KCNIP1: variants seen among roughly 807,000 people sequenced by gnomAD.
The protein encoded by KCNIP1 is potassium voltage-gated channel interacting protein 1, also known as A-type potassium channel modulatory protein KCNIP1.
A neutral mutation model predicts 33.0 loss-of-function variants in KCNIP1; 18 were observed. The observed-to-expected ratio is 0.55, with a 90% CI of 0.38 to 0.81. KCNIP1 has a LOEUF of 0.81. KCNIP1 is among the 30% of genes least tolerant of loss of function. KCNIP1 has a pLI of 0.00. For missense variants in KCNIP1, 238 were observed against 271.6 expected (o/e 0.88, Z 0.87); for synonymous variants, 93 against 98.3 (o/e 0.95, Z 0.32).
intron 1 of KCNIP1, among the ~76,000 whole-genome samples, chr5:170,486,604 G>T (rs1483514105): frequency 6.6e-6 from 1 of 152,222 alleles, no homozygotes; most frequent in Non-Finnish European, 1.5e-5. Context: ...CCTGGCTCCT[G>T]CCAGTTTCTG....
At position 170,536,836 on chromosome 5, in the gene KCNIP1, C is replaced by T. The variant is rs556431150; in HGVS notation, c.61+32203C>T. Among the ~76,000 whole-genome samples, 20 of 152,224 alleles carry T rather than the reference C, an allele frequency of 1.3e-4. No homozygotes were observed. The South Asian group carries it at 1.9e-3, about 14-fold the overall frequency. On this transcript the variant is annotated intron_variant, in intron 1 of 7. Transcript: ENST00000328939. ...AAAACCCACTCAGAAGCCTGGAGAG[C>T]GGCTGAAAGTGGGGGAGGGCAGGAA...
chr5:170,634,620 G>A lies in KCNIP1; in HGVS notation c.62-84138G>A, dbSNP rs149775689. ...CTCCCAGGGAGTGTGTGTGTGTAAA[G>A]AGGGAAGAAAAGAGCATTGAGTCCC... On this transcript the variant is annotated intron_variant, in intron 1 of 7. Transcript: ENST00000328939. Among the ~76,000 whole-genome samples the A allele has an allele frequency of 2.0e-3, 309 of 152,340 alleles. 1 individual carries two copies. Among genetic ancestry groups the A allele is most frequent in the African/African-American group, 6.8e-3 (282 of 41,572 alleles).
At chr5:170,445,764 A>T (rs984099280) in intron 1 of KCNIP1, among the ~76,000 whole-genome samples, 2 of 152,088 alleles carry the variant, frequency 1.3e-5, no homozygotes, top group Non-Finnish European at 2.9e-5. Flanking sequence ...ATCTGTAGAG[A>T]TCTCCTTGGA....
intron 1 of KCNIP1, among the ~76,000 whole-genome samples, chr5:170,572,465 G>A (rs796846826): frequency 6.6e-6 from 1 of 152,170 alleles, no homozygotes; most frequent in African/African-American, 2.4e-5. Flanking sequence ...CTTTCTTGAA[G>A]CTTCAGCAAA....
chr5:170,353,602 C>G, exon 1 of KCNIP1: 1 of 541,530 alleles, frequency 1.8e-6, no homozygotes, highest in Non-Finnish European at 3.3e-6. Context: ...AGTGCTGTCC[C>G]GGCCCTGGCA....
chr5:170,722,926 T>C (rs1763877888), intron 5 of KCNIP1, 106 bp downstream of exon 5: 1 of 710,256 alleles, frequency 1.4e-6, no homozygotes, highest in Admixed American at 2.6e-5. Flanking sequence ...TGAGGCAGGC[T>C]CTGCTTTGGG....
rs1051811932 is a variant in KCNIP1 at position 170,504,217 on chromosome 5, GCTCGGCAGC to G, written c.-349_-341del. Reference sequence around the variant, plus strand: ...GGCTCCCGCACCGCACGCGGCGCTGGCTCGGCAGCCTCGGCCGGGCGGCCGCTCTGGCCC... The same window carrying G: ...GGCTCCCGCACCGCACGCGGCGCTGGCTCGGCCGGGCGGCCGCTCTGGCCC... On this transcript the variant is annotated 5_prime_UTR_variant, in exon 1 of 8. Coordinates refer to ENST00000328939, the MANE Select transcript of KCNIP1 (RefSeq NM_014592.4). The surrounding 1 kb of genome is among the most constrained non-coding windows in gnomAD (Gnocchi z 6.0). 3.8e-6 allele frequency: 4 copies of G among 1,053,934 alleles called. No homozygotes were observed. Among genetic ancestry groups the G allele is most frequent in the Non-Finnish European group, 4.6e-6 (4 of 875,324 alleles). The allele number at this position is 1,053,934 out of a possible 1,614,324, so 65.3% of individuals were successfully genotyped here.
At position 170,540,028 on chromosome 5, in the gene KCNIP1, C is replaced by T. The variant is rs545819432; in HGVS notation, c.61+35395C>T. The stretch of plus-strand genomic sequence containing the variant: ...AAGGAACGATCTTTCAACCTGCGTG[C>T]GGGTCTCAGCGGCTCCACTTGCCTG... On this transcript the variant is annotated intron_variant, in intron 1 of 7. Coordinates refer to ENST00000328939, the MANE Select transcript of KCNIP1 (RefSeq NM_014592.4). Among the ~76,000 whole-genome samples, 14 of 151,580 alleles carry T rather than the reference C, an allele frequency of 9.2e-5. No individual in the cohort carries two copies. In the East Asian group the frequency reaches 1.9e-3, roughly 21 times the overall value.
intron 1 of KCNIP1, among the ~76,000 whole-genome samples, chr5:170,616,514 G>T (rs529100680): frequency 6.6e-6 from 1 of 152,328 alleles, no homozygotes; most frequent in South Asian, 2.1e-4. Context: ...CAGGTTGGAA[G>T]GAAGGCCTTG....
At chr5:170,405,041 T>C (rs1754999753) in intron 1 of KCNIP1, among the ~76,000 whole-genome samples, 1 of 152,236 alleles carries the variant, frequency 6.6e-6, no homozygotes, top group African/African-American at 2.4e-5. Context: ...TTTGATTGTT[T>C]CCTTGGGATA....
At chr5:170,405,550 G>C (rs1315663544) in intron 1 of KCNIP1, among the ~76,000 whole-genome samples, 2 of 152,176 alleles carry the variant, frequency 1.3e-5, no homozygotes, top group African/African-American at 4.8e-5. Context: ...CATCCTTGCA[G>C]GGCCTCCTGG....
intron 1 of KCNIP1, among the ~76,000 whole-genome samples, chr5:170,418,281 T>C (rs1242272467): frequency 6.6e-6 from 1 of 151,968 alleles, no homozygotes; most frequent in Non-Finnish European, 1.5e-5. Flanking sequence ...AAATACAAAA[T>C]TTAGCTGGGC....
At chr5:170,496,039 T>A (rs765276706) in intron 1 of KCNIP1, among the ~76,000 whole-genome samples, 2 of 152,298 alleles carry the variant, frequency 1.3e-5, no homozygotes, top group Non-Finnish European at 2.9e-5. Flanking sequence ...CATCGGCTCA[T>A]CACTGGCATG....
intron 1 of KCNIP1, among the ~76,000 whole-genome samples, chr5:170,525,399 C>A (rs1755530672): frequency 6.6e-6 from 1 of 152,228 alleles, no homozygotes; most frequent in African/African-American, 2.4e-5. Flanking sequence ...TGCATTAAAG[C>A]ATTTAGGTAG....
At chr5:170,719,013 G>C (rs560631743) in intron 2 of KCNIP1, 131 bp downstream of exon 2, 1 of 1,199,422 alleles carries the variant, frequency 8.3e-7, no homozygotes, top group East Asian at 2.7e-5. Flanking sequence ...CTCTATAAAG[G>C]GGGCATGAGA....
chr5:170,550,946 A>G (rs112984106), intron 1 of KCNIP1, among the ~76,000 whole-genome samples: 2,088 of 152,292 alleles, frequency 0.014, 67 homozygotes, highest in African/African-American at 0.047. Flanking sequence ...ATTTCTTTGG[A>G]ACAGGGCTTA....
intron 1 of KCNIP1, among the ~76,000 whole-genome samples, chr5:170,392,081 C>T (rs931602029): frequency 1.3e-5 from 2 of 152,172 alleles, no homozygotes; most frequent in African/African-American, 4.8e-5. Flanking sequence ...GAGTTCCCCC[C>T]ACACGCTCTC....
At chr5:170,574,604 C>T (rs1757532933) in intron 1 of KCNIP1, among the ~76,000 whole-genome samples, 1 of 152,218 alleles carries the variant, frequency 6.6e-6, no homozygotes, top group Non-Finnish European at 1.5e-5. Context: ...TTATCTTCTG[C>T]TTTACAAATT....
chr5:170,604,052 T>C (rs1401890471), intron 1 of KCNIP1, among the ~76,000 whole-genome samples: 1 of 151,572 alleles, frequency 6.6e-6, no homozygotes, highest in Non-Finnish European at 1.5e-5. Flanking sequence ...AAACTTGAAG[T>C]AGGATGGAGA....
Sources: gnomAD v4.1 joint callset for allele counts (sites outside exome capture counted in the v4.1 genomes callset) on GRCh38, gnomAD v4.1.1 for gene constraint, Gnocchi (gnomAD v3.1) non-coding constraint, MANE v1.5 for transcripts, NCBI Gene and HGNC (gene_info 2026-07-23, HGNC 2026-07-21) for gene names.